GRM7: variants seen among roughly 807,000 people sequenced by gnomAD.
GRM7 encodes glutamate metabotropic receptor 7.
GRM7 carries 35 observed loss-of-function variants against 84.5 expected under a neutral mutation model. The observed-to-expected ratio is 0.41, with a 90% CI of 0.32 to 0.55. The LOEUF is 0.55. Ranked by LOEUF, GRM7 falls within the 20% of genes least tolerant of loss-of-function variation. The probability of loss-of-function intolerance (pLI) is 0.19; values close to 1 mark genes in which losing one functional copy is unlikely to be tolerated. For missense variants in GRM7, 1,003 were observed against 1,194.6 expected, an observed-to-expected ratio of 0.84 and a Z score of 2.36; for synonymous variants, 487 against 455.1, an observed-to-expected ratio of 1.07 and a Z score of -0.89.
chr3:7,721,832 A>G (rs1188586987), intron 9 of GRM7, among the ~76,000 whole-genome samples: 1 of 152,194 alleles, frequency 6.6e-6, no homozygotes, highest in Admixed American at 6.5e-5. Context: ...AGAATAAGAA[A>G]CTGTCATTTT....
intron 2 of GRM7, among the ~76,000 whole-genome samples, chr3:7,224,197 G>T (rs1196365628): frequency 1.3e-5 from 2 of 152,162 alleles, no homozygotes; most frequent in Admixed American, 1.3e-4. Context: ...GCTCACTTCT[G>T]GGGAAGCCTG....
chr3:7,584,712 G>T (rs1335960557), intron 8 of GRM7, among the ~76,000 whole-genome samples: 2 of 152,194 alleles, frequency 1.3e-5, no homozygotes, highest in Non-Finnish European at 2.9e-5. Context: ...AAGCTTAAGG[G>T]ACTGGAAAAG....
intron 7 of GRM7, among the ~76,000 whole-genome samples, chr3:7,504,118 A>T (rs563043689): frequency 2.6e-5 from 4 of 152,226 alleles, no homozygotes; most frequent in Non-Finnish European, 5.9e-5. Context: ...CTCAATAAAA[A>T]ATTTTGTGGT....
intron 4 of GRM7, among the ~76,000 whole-genome samples, chr3:7,307,627 T>C (rs1346767847): frequency 6.6e-6 from 1 of 152,196 alleles, no homozygotes; most frequent in Non-Finnish European, 1.5e-5. Context: ...GAGATAAAAA[T>C]CTCATGAGTC....
intron 2 of GRM7, among the ~76,000 whole-genome samples, chr3:7,229,400 G>A (rs1697086453): frequency 6.6e-6 from 1 of 151,874 alleles, no homozygotes; most frequent in Non-Finnish European, 1.5e-5. Context: ...AGGAAGATGA[G>A]GCAGATAGAG....
intron 1 of GRM7, among the ~76,000 whole-genome samples, chr3:7,115,096 T>C (rs1343268694): frequency 6.6e-6 from 1 of 152,188 alleles, no homozygotes; most frequent in Non-Finnish European, 1.5e-5. Flanking sequence ...AATCCATAGA[T>C]ATGTATTCTA....
intron 1 of GRM7, among the ~76,000 whole-genome samples, chr3:7,038,219 A>G (rs1696452558): frequency 6.6e-6 from 1 of 152,156 alleles, no homozygotes; most frequent in African/African-American, 2.4e-5. Context: ...AACTCTCTTG[A>G]AGCATATTCA....
intron 7 of GRM7, among the ~76,000 whole-genome samples, chr3:7,569,333 A>G (rs1397862906): frequency 1.3e-5 from 2 of 151,998 alleles, no homozygotes; most frequent in Non-Finnish European, 2.9e-5. Context: ...GACACTCTGT[A>G]TCTAGCTCCG....
chr3:7,048,128 C>A (rs1438744605), intron 1 of GRM7, among the ~76,000 whole-genome samples: 6 of 151,794 alleles, frequency 4.0e-5, no homozygotes, highest in Admixed American at 6.6e-5. Flanking sequence ...AGTTTGATTT[C>A]CTATATTTTT....
At chr3:7,179,089 G>A (rs187831565) in intron 2 of GRM7, among the ~76,000 whole-genome samples, 3 of 152,212 alleles carry the variant, frequency 2.0e-5, no homozygotes, top group Admixed American at 1.3e-4. Context: ...CTGAGTGACA[G>A]AGCCAGACTC....
At chr3:7,683,250 T>C (rs1379391935) in intron 9 of GRM7, among the ~76,000 whole-genome samples, 4 of 152,178 alleles carry the variant, frequency 2.6e-5, no homozygotes, top group African/African-American at 9.6e-5. Context: ...GCTGCCCAGG[T>C]AGAGGCCTCA....
Position 7,578,930 on chromosome 3 carries a change from C to G in GRM7, c.2024C>G (p.Thr675Arg). The change falls in exon 8 of 10, where the codon ACG (threonine) becomes AGG (arginine). Residue 675 changes from threonine (T) to arginine (R), a missense_variant. Coordinates refer to ENST00000357716, the MANE Select transcript of GRM7 (RefSeq NM_000844.4). ...TGCATCAGTTATGCAGCCCTCTTGA[C>G]GAAAACAAATCGGATTTATCGCATA... ...GMCISYAALL[T>R]KTNRIYRIFE... 6.2e-7 allele frequency: 1 copy of G among 1,614,050 alleles called. No homozygotes were observed. Among genetic ancestry groups the G allele is most frequent in the Non-Finnish European group, 8.5e-7 (1 of 1,180,022 alleles).
chr3:7,627,742 T>C (rs1193606836), intron 8 of GRM7, among the ~76,000 whole-genome samples: 1 of 152,158 alleles, frequency 6.6e-6, no homozygotes, highest in African/African-American at 2.4e-5. Flanking sequence ...GTTAGCAGAA[T>C]TGGTTTCTTC....
At chr3:7,217,902 A>G (rs1696668705) in intron 2 of GRM7, among the ~76,000 whole-genome samples, 1 of 151,804 alleles carries the variant, frequency 6.6e-6, no homozygotes, top group Admixed American at 6.6e-5. Context: ...TTCTTTTATT[A>G]TTTGTAACAC....
chr3:7,073,888 T>G (rs1373904410), intron 1 of GRM7, among the ~76,000 whole-genome samples: 1 of 152,100 alleles, frequency 6.6e-6, no homozygotes, highest in Non-Finnish European at 1.5e-5. Context: ...GTCATGGAGA[T>G]TGATCATTTC....
At chr3:7,246,132 C>T (rs1479771252) in intron 2 of GRM7, among the ~76,000 whole-genome samples, 3 of 151,984 alleles carry the variant, frequency 2.0e-5, no homozygotes, top group African/African-American at 7.2e-5. Flanking sequence ...CATCTAAAAA[C>T]AGAGTATGGT....
intron 9 of GRM7, chr3:7,694,320 G>A (rs192445997): frequency 4.3e-4 from 137 of 322,068 alleles, no homozygotes; most frequent in African/African-American, 1.1e-3. Context: ...TTGTGATGGC[G>A]TCATCTCAAA....
rs573743834 is a variant in GRM7 at position 6,876,823 on chromosome 3, A to G, written c.519+14916A>G. On this transcript the variant is annotated intron_variant, in intron 1 of 9. Coordinates refer to ENST00000357716, the MANE Select transcript of GRM7 (RefSeq NM_000844.4). ...CACTATATTGGCCAGGCTGGTCTCAAACTCCTGACCTCAGATGATCCACCT... is the reference window on the plus strand; with the variant it reads ...CACTATATTGGCCAGGCTGGTCTCAGACTCCTGACCTCAGATGATCCACCT... Among the ~76,000 whole-genome samples the G allele has an allele frequency of 1.6e-3, 248 of 152,174 alleles. 1 individual carries two copies. The highest frequency in any genetic ancestry group is 5.6e-3 in the African/African-American group (234 of 41,506).
chr3:7,121,210 TA>T (rs922202543), intron 1 of GRM7, among the ~76,000 whole-genome samples: 5 of 152,282 alleles, frequency 3.3e-5, no homozygotes, highest in Admixed American at 2.0e-4. Flanking sequence ...CAGATTCCAT[TA>T]AAAAGAAGTG....
Sources: gnomAD v4.1 joint callset for allele counts (sites outside exome capture counted in the v4.1 genomes callset) on GRCh38, gnomAD v4.1.1 for gene constraint, MANE v1.5 for transcripts, NCBI Gene and HGNC (gene_info 2026-07-23, HGNC 2026-07-21) for gene names.